CDH18: variants seen among roughly 807,000 people sequenced by gnomAD.
CDH18 encodes cadherin 18.
Under a neutral mutation model 67.9 loss-of-function variants are expected in CDH18, and 31 were observed. The ratio of observed to expected loss-of-function variants is 0.46; its 90% CI spans 0.34 to 0.62. The LOEUF (loss-of-function observed/expected upper bound fraction) is 0.62, where lower values mean the gene tolerates loss of function less well. Ranked by LOEUF, CDH18 falls within the 20% of genes least tolerant of loss-of-function variation. The pLI is 0.01. For missense variants in CDH18, 890 were observed against 975.5 expected (o/e 0.91, Z 1.17); for synonymous variants, 362 against 347.2 (o/e 1.04, Z -0.48).
At chr5:19,941,657 C>T (rs931781957) in intron 2 of CDH18, among the ~76,000 whole-genome samples, 1 of 151,844 alleles carries the variant, frequency 6.6e-6, no homozygotes, top group East Asian at 1.9e-4. Flanking sequence ...CATAGTGGCA[C>T]ATACCTGTAG....
intron 2 of CDH18, among the ~76,000 whole-genome samples, chr5:19,939,636 A>G (rs937550644): frequency 1.4e-4 from 21 of 151,818 alleles, no homozygotes; most frequent in African/African-American, 5.1e-4. Context: ...CTGCTGGAAA[A>G]TATTTTGTCT....
intron 2 of CDH18, among the ~76,000 whole-genome samples, chr5:20,177,297 C>A (rs985251365): frequency 3.3e-5 from 5 of 152,076 alleles, no homozygotes; most frequent in African/African-American, 1.2e-4. Flanking sequence ...ATATAGATAG[C>A]CCATCTGCTA....
chr5:20,394,877 A>G (rs540096765), intron 1 of CDH18, among the ~76,000 whole-genome samples: 1 of 152,172 alleles, frequency 6.6e-6, no homozygotes, highest in African/African-American at 2.4e-5. Context: ...TTAAAACCAC[A>G]ATAAGATACC....
intron 9 of CDH18, among the ~76,000 whole-genome samples, chr5:19,534,212 C>T (rs917505854): frequency 6.6e-6 from 1 of 151,956 alleles, no homozygotes. Flanking sequence ...ACATGCCTTT[C>T]ATTTTGTTAC....
chr5:19,539,180 TA>T (rs1414969384), intron 9 of CDH18, among the ~76,000 whole-genome samples: 1 of 152,190 alleles, frequency 6.6e-6, no homozygotes, highest in Non-Finnish European at 1.5e-5. Flanking sequence ...TGATTAGAAT[TA>T]AATTATATTT....
chr5:20,104,815 C>A (rs1746786446), intron 2 of CDH18, among the ~76,000 whole-genome samples: 1 of 152,006 alleles, frequency 6.6e-6, no homozygotes, highest in Admixed American at 6.6e-5. Flanking sequence ...ATTGAAGCCT[C>A]CACCTCTGAA....
intron 8 of CDH18, among the ~76,000 whole-genome samples, chr5:19,571,251 T>C (rs1278243455): frequency 6.6e-6 from 1 of 152,178 alleles, no homozygotes; most frequent in African/African-American, 2.4e-5. Context: ...ATACTTCCTA[T>C]CATTAAGGGA....
At chr5:19,751,493 C>T (rs1162240872) in intron 3 of CDH18, among the ~76,000 whole-genome samples, 1 of 152,078 alleles carries the variant, frequency 6.6e-6, no homozygotes, top group Non-Finnish European at 1.5e-5. Context: ...CCAAAACTTG[C>T]ACAAAAATAT....
At chr5:19,817,975 T>C (rs1253140877) in intron 3 of CDH18, among the ~76,000 whole-genome samples, 4 of 152,158 alleles carry the variant, frequency 2.6e-5, no homozygotes, top group African/African-American at 9.6e-5. Context: ...ATAAATTTTA[T>C]ATAAATTCCA....
chr5:19,567,546 G>A (rs949850444), intron 8 of CDH18, among the ~76,000 whole-genome samples: 2 of 152,056 alleles, frequency 1.3e-5, no homozygotes, highest in Admixed American at 1.3e-4. Flanking sequence ...TGAGAAAGGT[G>A]GAAGTATAGG....
intron 1 of CDH18, among the ~76,000 whole-genome samples, chr5:20,500,665 A>G (rs1177067514): frequency 6.6e-6 from 1 of 152,168 alleles, no homozygotes; most frequent in Non-Finnish European, 1.5e-5. Context: ...TTAGGTAAAT[A>G]TCTTAGCACA....
chr5:19,896,609 T>A (rs764339534), intron 2 of CDH18, among the ~76,000 whole-genome samples: 6 of 152,298 alleles, frequency 3.9e-5, no homozygotes, highest in Non-Finnish European at 7.4e-5. Context: ...TTTGGTTTAG[T>A]GATACTGACT....
intron 2 of CDH18, among the ~76,000 whole-genome samples, chr5:20,060,591 T>A (rs1742383264): frequency 6.6e-6 from 1 of 152,208 alleles, no homozygotes; most frequent in Non-Finnish European, 1.5e-5. Flanking sequence ...TTGAAAAATA[T>A]TATGAATATG....
At chr5:20,179,339 A>G (rs918213221) in intron 2 of CDH18, among the ~76,000 whole-genome samples, 1 of 152,186 alleles carries the variant, frequency 6.6e-6, no homozygotes, top group African/African-American at 2.4e-5. Context: ...CCTGACATTA[A>G]GAATACATTA....
chr5:20,082,361 T>G (rs1381583752), intron 2 of CDH18, among the ~76,000 whole-genome samples: 2 of 152,200 alleles, frequency 1.3e-5, no homozygotes, highest in East Asian at 3.9e-4. Context: ...CTAAAAGTAA[T>G]GGTGAAATGT....
intron 12 of CDH18, 103 bp from the exon 13 acceptor site, chr5:19,473,819 C>G: frequency 1.0e-6 from 1 of 959,044 alleles, no homozygotes; most frequent in Non-Finnish European, 1.6e-6. Context: ...TCATTAACCA[C>G]ATTCCAGAGT....
At chr5:19,944,097 C>A (rs1795079739) in intron 2 of CDH18, among the ~76,000 whole-genome samples, 1 of 152,076 alleles carries the variant, frequency 6.6e-6, no homozygotes, top group Non-Finnish European at 1.5e-5. Flanking sequence ...TCCTTGACAT[C>A]TTCTCCTTTT....
chr5:20,185,877 C>A (rs918973110), intron 2 of CDH18, among the ~76,000 whole-genome samples: 1 of 151,120 alleles, frequency 6.6e-6, no homozygotes, highest in Non-Finnish European at 1.5e-5. Context: ...TTTTTTTTCC[C>A]GTGTGATGCA....
chr5:20,228,368 T>C (rs935086002), intron 2 of CDH18, among the ~76,000 whole-genome samples: 3 of 152,238 alleles, frequency 2.0e-5, no homozygotes, highest in East Asian at 1.9e-4. Flanking sequence ...AAATTGTATA[T>C]ATTTATTGTG....
Sources: gnomAD v4.1 joint callset for allele counts (sites outside exome capture counted in the v4.1 genomes callset) on GRCh38, gnomAD v4.1.1 for gene constraint, MANE v1.5 for transcripts, NCBI Gene and HGNC (gene_info 2026-07-23, HGNC 2026-07-21) for gene names.